GRIN2A: variants seen among roughly 807,000 people sequenced by gnomAD.
The protein encoded by GRIN2A is glutamate ionotropic receptor NMDA type subunit 2A, also known as glutamate receptor ionotropic, NMDA 2A.
In GRIN2A, 22 loss-of-function variants were observed where a neutral mutation model predicts 113.4. The observed-to-expected ratio is 0.19, with a 90% CI of 0.14 to 0.28. The LOEUF is 0.28. Among genes scored for constraint, GRIN2A ranks in the 10% least tolerant of loss-of-function variants. The probability of loss-of-function intolerance (pLI) is 1.00; values close to 1 mark genes in which losing one functional copy is unlikely to be tolerated. For synonymous variants in GRIN2A, 827 were observed against 738.4 expected (o/e 1.12, Z -1.94); for missense variants, 1,502 against 1,887.0 (o/e 0.80, Z 3.78).
chr16:9,875,331 A>T (rs1163805361), intron 4 of GRIN2A, among the ~76,000 whole-genome samples: 2 of 152,194 alleles, frequency 1.3e-5, no homozygotes, highest in African/African-American at 4.8e-5. Flanking sequence ...ACCAATGCTG[A>T]GAATATGCAA....
chr16:9,909,266 A>G (rs899630814), intron 3 of GRIN2A, among the ~76,000 whole-genome samples: 1 of 152,168 alleles, frequency 6.6e-6, no homozygotes, highest in East Asian at 1.9e-4. Flanking sequence ...CTATGATTCA[A>G]TTACCTCCCA....
Position 9,937,963 on chromosome 16 carries a change from G to A in GRIN2A, c.1003C>T (p.His335Tyr), listed in dbSNP as rs757921185. 1.2e-6 allele frequency: 2 copies of A among 1,610,828 alleles called. No individual in the cohort carries two copies. Among genetic ancestry groups the A allele is most frequent in the Admixed American group, 3.3e-5 (2 of 59,998 alleles). Residue 335 changes from histidine (H) to tyrosine (Y), a missense_variant, in exon 3 of 13, where the codon CAC becomes TAC. Coordinates refer to ENST00000330684, the MANE Select transcript of GRIN2A (RefSeq NM_001134407.3). ...ERPEVPMHTL[H>Y]PFMVNVTWDG... ...AGACAACAAGCCCTTTCTTACGGGT[G>A]CAAGGTGTGCATCGGGACCTCTGGC...
At chr16:9,858,374 CTTTTTTATCTCTATTATGAAT>C (rs976069419) in intron 4 of GRIN2A, among the ~76,000 whole-genome samples, 5 of 152,174 alleles carry the variant, frequency 3.3e-5, no homozygotes, top group African/African-American at 1.2e-4. Context: ...TAGGGAAATA[CTTTTTTATCTCTATTATGAAT>C]TTTTTTGGTA....
At chr16:9,845,418 A>C (rs368484921) in intron 5 of GRIN2A, among the ~76,000 whole-genome samples, 30 of 152,306 alleles carry the variant, frequency 2.0e-4, no homozygotes, top group African/African-American at 6.7e-4. Context: ...TGATTGCCCT[A>C]TTGAAACACA....
chr16:9,970,050 G>C (rs1046577650), intron 2 of GRIN2A, among the ~76,000 whole-genome samples: 1 of 152,202 alleles, frequency 6.6e-6, no homozygotes, highest in Non-Finnish European at 1.5e-5. Flanking sequence ...ACTCTAGGTA[G>C]AGCCAACCTT....
chr16:9,869,753 A>T (rs1370772662), intron 4 of GRIN2A, among the ~76,000 whole-genome samples: 1 of 152,254 alleles, frequency 6.6e-6, no homozygotes, highest in East Asian at 1.9e-4. Context: ...ACTATCTGCC[A>T]CATAGTCCCT....
intron 8 of GRIN2A, among the ~76,000 whole-genome samples, chr16:9,829,883 A>G (rs181047109): frequency 3.3e-5 from 5 of 152,316 alleles, no homozygotes; most frequent in African/African-American, 4.8e-5. Context: ...TCTTTAAAAA[A>G]AGAAAGGAAA....
At chr16:10,095,939 G>C (rs1477909691) in intron 2 of GRIN2A, among the ~76,000 whole-genome samples, 2 of 152,118 alleles carry the variant, frequency 1.3e-5, no homozygotes, top group African/African-American at 4.8e-5. Flanking sequence ...GAGAATATAG[G>C]AGTTCTTTCT....
intron 4 of GRIN2A, among the ~76,000 whole-genome samples, chr16:9,886,737 G>A (rs780335311): frequency 3.9e-5 from 6 of 152,076 alleles, no homozygotes; most frequent in African/African-American, 7.2e-5. Context: ...TCAGGGCTCC[G>A]GTGGATCAAC....
chr16:9,980,536 A>T (rs1182607694), intron 2 of GRIN2A, among the ~76,000 whole-genome samples: 1 of 152,168 alleles, frequency 6.6e-6, no homozygotes, highest in Admixed American at 6.5e-5. Flanking sequence ...ACACATGCAC[A>T]TGTATGTTTA....
At chr16:9,811,492 CTCATG>C (rs1306891600) in intron 10 of GRIN2A, among the ~76,000 whole-genome samples, 1 of 152,154 alleles carries the variant, frequency 6.6e-6, no homozygotes, top group Non-Finnish European at 1.5e-5. Context: ...GGTGTGGTGG[CTCATG>C]CCTGTAATTC....
chr16:9,889,785 T>G (rs756271799), intron 4 of GRIN2A, among the ~76,000 whole-genome samples: 4 of 152,228 alleles, frequency 2.6e-5, no homozygotes, highest in Non-Finnish European at 5.9e-5. Flanking sequence ...TACTAATTTT[T>G]ATTTTAATGC....
chr16:9,953,549 C>A (rs2045232284), intron 2 of GRIN2A, among the ~76,000 whole-genome samples: 1 of 151,980 alleles, frequency 6.6e-6, no homozygotes, highest in African/African-American at 2.4e-5. Flanking sequence ...AGAAAGGGGT[C>A]AGGGCTGAGG....
At chr16:9,843,224 T>G (rs1285832277) in intron 5 of GRIN2A, among the ~76,000 whole-genome samples, 1 of 152,162 alleles carries the variant, frequency 6.6e-6, no homozygotes, top group African/African-American at 2.4e-5. Context: ...ATCTAGTAAG[T>G]ACATACTACT....
intron 2 of GRIN2A, among the ~76,000 whole-genome samples, chr16:10,155,296 GT>G (rs1280973456): frequency 6.6e-6 from 1 of 151,588 alleles, no homozygotes; most frequent in Non-Finnish European, 1.5e-5. Context: ...GCAGGAAGAA[GT>G]TTTATTACCA....
chr16:9,926,056 C>T (rs1269606721), intron 3 of GRIN2A, among the ~76,000 whole-genome samples: 1 of 152,128 alleles, frequency 6.6e-6, no homozygotes, highest in African/African-American at 2.4e-5. Context: ...ACTGCACACC[C>T]CACCAGAGCA....
chr16:10,046,878 A>T (rs1249866108), intron 2 of GRIN2A, among the ~76,000 whole-genome samples: 5 of 152,198 alleles, frequency 3.3e-5, no homozygotes, highest in African/African-American at 1.2e-4. Flanking sequence ...GCTAACGTTT[A>T]TTAAGCCTAA....
In GRIN2A at chr16:9,758,898, G is replaced by A. The variant is rs537753852; in HGVS notation, c.*4251C>T. 49 of 220,044 alleles carry A rather than the reference G, an allele frequency of 2.2e-4. No homozygotes were observed. In the South Asian group the frequency reaches 7.9e-3, roughly 36 times the overall value. 13.6% of individuals were successfully genotyped at this position (220,044 alleles called of 1,614,324 possible). A position where few individuals can be genotyped will look rare whatever the true frequency, so the allele number is the denominator to read the frequency against. On this transcript the variant is annotated 3_prime_UTR_variant, in exon 13 of 13. Coordinates refer to ENST00000330684, the MANE Select transcript of GRIN2A (RefSeq NM_001134407.3). ...TGAAAATAAACAGTACTTTTGGAAGGAAAATTGCCTTTACATAGAACCCTT... is the reference window on the plus strand; with the variant it reads ...TGAAAATAAACAGTACTTTTGGAAGAAAAATTGCCTTTACATAGAACCCTT...
chr16:10,156,844 C>A (rs1281034480), intron 2 of GRIN2A, among the ~76,000 whole-genome samples: 1 of 152,204 alleles, frequency 6.6e-6, no homozygotes, highest in Admixed American at 6.5e-5. Flanking sequence ...TAGATTTCAA[C>A]TGTGCTTTCC....
Sources: allele counts gnomAD v4.1 joint callset (sites outside exome capture counted in the v4.1 genomes callset), GRCh38; gene constraint gnomAD v4.1.1; transcripts MANE v1.5; gene names NCBI Gene and HGNC (gene_info 2026-07-23, HGNC 2026-07-21).